Variants in SHANK2 observed in about 807,000 individuals in gnomAD.
SHANK2 encodes SH3 and multiple ankyrin repeat domains protein 2.
A neutral mutation model predicts 133.7 loss-of-function variants in SHANK2; 43 were observed. The ratio of observed to expected loss-of-function variants is 0.32; its 90% CI spans 0.25 to 0.41. The LOEUF (loss-of-function observed/expected upper bound fraction) is 0.41. Among genes scored for constraint, SHANK2 ranks in the 10% least tolerant of loss-of-function variants. SHANK2 has a pLI of 1.00. For synonymous variants in SHANK2, 1,017 were observed against 952.8 expected, an observed-to-expected ratio of 1.07 and a Z score of -1.24; for missense variants, 1,994 against 2,235.8, an observed-to-expected ratio of 0.89 and a Z score of 2.18.
intron 21 of SHANK2, among the ~76,000 whole-genome samples, chr11:70,493,132 G>A (rs965902727): frequency 1.3e-5 from 2 of 149,336 alleles, no homozygotes; most frequent in East Asian, 3.9e-4. Flanking sequence ...ATTTATTCTT[G>A]TGAGGGTTAA....
chr11:71,220,660 A>G (rs782320342), intron 2 of SHANK2, among the ~76,000 whole-genome samples: 2 of 152,172 alleles, frequency 1.3e-5, no homozygotes, highest in Non-Finnish European at 1.5e-5. Flanking sequence ...CATTACGTTA[A>G]GTGAAAGAAG....
chr11:71,219,054 G>A (rs532319532), intron 2 of SHANK2, among the ~76,000 whole-genome samples: 14 of 152,204 alleles, frequency 9.2e-5, no homozygotes, highest in South Asian at 4.1e-4. Context: ...TTCAGACCAC[G>A]AGGACACCAT....
chr11:70,953,164 G>C (rs1341482690), intron 10 of SHANK2, among the ~76,000 whole-genome samples: 1 of 152,082 alleles, frequency 6.6e-6, no homozygotes, highest in Non-Finnish European at 1.5e-5. Context: ...TCCCCAGTGT[G>C]GTGGTGTTGG....
chr11:70,848,129 G>T (rs1437946804), intron 11 of SHANK2, among the ~76,000 whole-genome samples: 1 of 152,184 alleles, frequency 6.6e-6, no homozygotes, highest in Non-Finnish European at 1.5e-5. Flanking sequence ...AAGACGAAAG[G>T]CCCTCTCAGG....
intron 11 of SHANK2, among the ~76,000 whole-genome samples, chr11:70,841,184 T>C (rs1282494116): frequency 6.6e-6 from 1 of 152,002 alleles, no homozygotes; most frequent in African/African-American, 2.4e-5. Flanking sequence ...GGCAGGAGAA[T>C]CGCTTGAACC....
At chr11:70,725,247 T>C (rs1406072100) in intron 14 of SHANK2, among the ~76,000 whole-genome samples, 1 of 152,234 alleles carries the variant, frequency 6.6e-6, no homozygotes, top group East Asian at 1.9e-4. Flanking sequence ...CCCTACAATA[T>C]TCATAAATGC....
chr11:70,849,799 C>T (rs908643429), intron 11 of SHANK2, among the ~76,000 whole-genome samples: 1 of 152,082 alleles, frequency 6.6e-6, no homozygotes, highest in African/African-American at 2.4e-5. Context: ...CATGATCTCC[C>T]TACGTTATCT....
At chr11:71,165,517 G>A (rs1953125068) in intron 2 of SHANK2, among the ~76,000 whole-genome samples, 1 of 152,046 alleles carries the variant, frequency 6.6e-6, no homozygotes, top group South Asian at 2.1e-4. Context: ...CAGCCTCAAG[G>A]CCCCTACAGC....
At position 70,736,839 on chromosome 11, in the gene SHANK2, G is replaced by A. The variant is rs185592123; in HGVS notation, c.1778-38076C>T. On this transcript the variant is annotated intron_variant, in intron 14 of 25. Transcript: ENST00000601538. ...AAAGGACAGCACCATCTCCCTGGGG[G>A]TGAAGTGGCTTCTCCAGAACCAAAC... Among the ~76,000 whole-genome samples the A allele has an allele frequency of 6.3e-4, 96 of 152,318 alleles. 1 individual carries two copies. The East Asian group carries it at 0.016, about 26-fold the overall frequency.
chr11:71,085,679 AT>A (rs1951380617), intron 8 of SHANK2, among the ~76,000 whole-genome samples: 40 of 69,644 alleles, frequency 5.7e-4, no homozygotes, highest in African/African-American at 2.2e-3. Context: ...TGTTATATAT[AT>A]AATATAATAT....
intron 17 of SHANK2, among the ~76,000 whole-genome samples, chr11:70,538,769 A>T (rs782325197): frequency 1.3e-5 from 2 of 152,234 alleles, no homozygotes; most frequent in Non-Finnish European, 2.9e-5. Context: ...TCCAGGGAAC[A>T]GCCCCATTCC....
At chr11:71,197,181 T>G (rs1953922238) in intron 2 of SHANK2, among the ~76,000 whole-genome samples, 1 of 152,060 alleles carries the variant, frequency 6.6e-6, no homozygotes. Context: ...TAGAAGAACT[T>G]AGTTCCGTGA....
intron 2 of SHANK2, among the ~76,000 whole-genome samples, chr11:71,158,352 T>C (rs1952943027): frequency 6.6e-6 from 1 of 152,068 alleles, no homozygotes; most frequent in African/African-American, 2.4e-5. Context: ...AAAAACACTA[T>C]AATACCACCA....
chr11:70,783,536 C>T (rs1265488671), intron 14 of SHANK2, among the ~76,000 whole-genome samples: 1 of 152,142 alleles, frequency 6.6e-6, no homozygotes. Context: ...ATCCTGTCTC[C>T]ATATGGCTCA....
chr11:70,484,405 C>T (rs1335431475), intron 25 of SHANK2, among the ~76,000 whole-genome samples: 3 of 152,088 alleles, frequency 2.0e-5, no homozygotes, highest in Non-Finnish European at 4.4e-5. Flanking sequence ...GTACCTCCCC[C>T]GACTCCCTCT....
chr11:70,472,805 G>A lies in SHANK2; in HGVS notation c.*64C>T. ...CACAGACTTCGCTTGGCATTCAGAT[G>A]TTTCAGCACGAGCCCATCTCTACTT... On this transcript the variant is annotated 3_prime_UTR_variant, in exon 26 of 26. Transcript: ENST00000601538. This position sits in a 1 kb window ranked among gnomAD's most constrained non-coding sequence, Gnocchi z 4.4. 11 of 1,507,094 alleles carry A rather than the reference G, an allele frequency of 7.3e-6. 1 individual carries two copies. Among genetic ancestry groups the A allele is most frequent in the Non-Finnish European group, 1.0e-5 (11 of 1,082,810 alleles). 93.4% of individuals were successfully genotyped at this position (1,507,094 alleles called of 1,614,324 possible).
chr11:70,787,719 C>A (rs1947701867), intron 14 of SHANK2, among the ~76,000 whole-genome samples: 1 of 152,192 alleles, frequency 6.6e-6, no homozygotes, highest in Non-Finnish European at 1.5e-5. Context: ...CCACCACCAC[C>A]ACCACCCCTG....
intron 4 of SHANK2, among the ~76,000 whole-genome samples, chr11:71,118,436 G>A (rs1952021862): frequency 6.6e-6 from 1 of 152,156 alleles, no homozygotes; most frequent in African/African-American, 2.4e-5. Context: ...CGAAGGGAAA[G>A]CAAGCACCTT....
At chr11:70,832,915 C>T (rs1265531325) in intron 11 of SHANK2, among the ~76,000 whole-genome samples, 1 of 152,214 alleles carries the variant, frequency 6.6e-6, no homozygotes, top group African/African-American at 2.4e-5. Flanking sequence ...GGCTGTTGTC[C>T]TCAGCATCCT....
Sources: allele counts gnomAD v4.1 joint callset (sites outside exome capture counted in the v4.1 genomes callset), GRCh38; gene constraint gnomAD v4.1.1; non-coding constraint Gnocchi (gnomAD v3.1); transcripts MANE v1.5; gene names NCBI Gene and HGNC (gene_info 2026-07-23, HGNC 2026-07-21).